Variants in TTLL8 observed in about 807,000 individuals in gnomAD.
TTLL8 encodes the protein tubulin tyrosine ligase like 8.
TTLL8 carries 65 observed loss-of-function variants against 77.8 expected under a neutral mutation model. The ratio of observed to expected loss-of-function variants is 0.84; its 90% confidence interval spans 0.68 to 1.03. TTLL8 has a LOEUF of 1.03. Among genes scored for constraint, TTLL8 ranks in the 50% least tolerant of loss-of-function variants. The pLI is 0.00. For synonymous variants in TTLL8, 402 were observed against 422.8 expected, an observed-to-expected ratio of 0.95 and a Z score of 0.60; for missense variants, 910 against 1,004.5, an observed-to-expected ratio of 0.91 and a Z score of 1.27.
intron 8 of TTLL8, among the ~76,000 whole-genome samples, chr22:50,036,145 C>T (rs2061334823): frequency 6.6e-6 from 1 of 152,198 alleles, no homozygotes; most frequent in East Asian, 1.9e-4. Flanking sequence ...CCAGGGCACA[C>T]CTGCCAGGGG....
chr22:50,022,091 A>C (rs1267062992), intron 12 of TTLL8, among the ~76,000 whole-genome samples: 2 of 137,772 alleles, frequency 1.5e-5, no homozygotes, highest in Admixed American at 7.4e-5. Context: ...GCACTCCTCC[A>C]TCTGACGTGC....
chr22:50,055,519 G>A (rs2061466101), upstream of TTLL8, among the ~76,000 whole-genome samples: 2 of 152,170 alleles, frequency 1.3e-5, no homozygotes, highest in South Asian at 2.1e-4. Context: ...CCGGGTGATG[G>A]TAGCTCATGC....
intron 4 of TTLL8, 172 bp downstream of exon 6, chr22:50,046,996 G>A (rs2061416410): frequency 1.3e-6 from 1 of 770,672 alleles, no homozygotes; most frequent in Non-Finnish European, 1.6e-6. Context: ...GGGTGCTGGG[G>A]GTGGGGTGGG....
At chr22:50,048,821 G>A (rs2061427705) in intron 3 of TTLL8, among the ~76,000 whole-genome samples, 1 of 152,246 alleles carries the variant, frequency 6.6e-6, no homozygotes, top group African/African-American at 2.4e-5. Flanking sequence ...AGTGTTGGGA[G>A]CCCCGGAGGG....
At chr22:50,043,230 A>G (rs201964378) in intron 6 of TTLL8, among the ~76,000 whole-genome samples, 85 of 108,522 alleles carry the variant, frequency 7.8e-4, no homozygotes, top group Admixed American at 1.6e-3. Context: ...CATGTCCTTC[A>G]GTAGATGGAT....
At chr22:50,057,544 TCTGGGTTGG>T (rs1213665485), upstream of TTLL8, among the ~76,000 whole-genome samples, 67 of 60,870 alleles carry the variant, frequency 1.1e-3, no homozygotes, top group South Asian at 1.2e-3. Context: ...GAGCGGGAGG[TCTGGGTTGG>T]GGGTCAGGTC....
At chr22:50,022,475 T>TACTCCTCCATCTGACGTGC (rs2061210224) in intron 12 of TTLL8, among the ~76,000 whole-genome samples, 1 of 144,322 alleles carries the variant, frequency 6.9e-6, no homozygotes, top group African/African-American at 2.6e-5. Context: ...ATCTGACGTG[T>TACTCCTCCATCTGACGTGC]ACTCCTCCAT....
chr22:50,056,636 C>T (rs1041909065), upstream of TTLL8, among the ~76,000 whole-genome samples: 2 of 152,210 alleles, frequency 1.3e-5, no homozygotes, highest in African/African-American at 4.8e-5. The surrounding 1 kb of genome is among the most constrained non-coding windows in gnomAD (Gnocchi z 4.1). Context: ...TTCCCAGTTT[C>T]CCAGGAAGCT....
chr22:50,058,056 C>T (rs1259033037), upstream of TTLL8, among the ~76,000 whole-genome samples: 2 of 141,572 alleles, frequency 1.4e-5, no homozygotes, highest in Non-Finnish European at 3.1e-5. This position sits in a 1 kb window ranked among gnomAD's most constrained non-coding sequence, Gnocchi z 4.2. Flanking sequence ...GTGTGGGAGG[C>T]GGGTCTGGGG....
At chr22:50,055,185 C>G, upstream of TTLL8, 1 of 1,275,248 alleles carries the variant, frequency 7.8e-7, no homozygotes, top group Non-Finnish European at 1.0e-6. Flanking sequence ...AAACAAATGT[C>G]CTTTTAAAAA....
At chr22:50,025,497 G>A (rs1363613629) in intron 12 of TTLL8, among the ~76,000 whole-genome samples, 1 of 152,080 alleles carries the variant, frequency 6.6e-6, no homozygotes, top group Non-Finnish European at 1.5e-5. Context: ...AAATTAGCTG[G>A]GCATGGTGGT....
intron 11 of TTLL8, chr22:50,031,481 T>G: frequency 2.2e-6 from 2 of 929,258 alleles, no homozygotes; most frequent in South Asian, 9.9e-5. Context: ...CCTTCCTCGG[T>G]GCCGACGAGG....
At chr22:50,043,893 A>C (rs1299399185) in intron 6 of TTLL8, among the ~76,000 whole-genome samples, 6 of 152,210 alleles carry the variant, frequency 3.9e-5, no homozygotes. Context: ...GAGCACAGGG[A>C]GTTTTAGGGC....
chr22:50,057,705 G>A (rs899960046), upstream of TTLL8, among the ~76,000 whole-genome samples: 4 of 146,290 alleles, frequency 2.7e-5, no homozygotes, highest in African/African-American at 1.0e-4. Context: ...TCGGGGTCAG[G>A]TCTGGGTTGG....
chr22:50,034,578 C>T lies in TTLL8; in HGVS notation c.922-116G>A, dbSNP rs1014433079. ...CCGCCTCACCCACCAAGCAGGCGCT[C>T]GGCTCTAGGATGGTCTGGGGCTGGC... On this transcript the variant is annotated intron_variant, in intron 8 of 13. Transcript: ENST00000266182. The surrounding 1 kb of genome is among the most constrained non-coding windows in gnomAD (Gnocchi z 4.1). 5 of 1,139,024 alleles carry T rather than the reference C, an allele frequency of 4.4e-6. No homozygotes were observed. The highest frequency in any genetic ancestry group is 5.8e-5 in the East Asian group (1 of 17,338). The allele number at this position is 1,139,024 out of a possible 1,614,324, so 70.6% of individuals were successfully genotyped here.
At chr22:50,021,575 C>T (rs187562865) in intron 12 of TTLL8, among the ~76,000 whole-genome samples, 1,603 of 146,056 alleles carry the variant, frequency 0.011, 28 homozygotes, top group Non-Finnish European at 0.018. Flanking sequence ...GATGTGTACT[C>T]CTCCATCTGA....
At chr22:50,056,421 G>T (rs1034521334), upstream of TTLL8, among the ~76,000 whole-genome samples, 6 of 152,200 alleles carry the variant, frequency 3.9e-5, no homozygotes, top group African/African-American at 1.2e-4. This position sits in a 1 kb window ranked among gnomAD's most constrained non-coding sequence, Gnocchi z 4.1. Context: ...GGGCACCGGA[G>T]CTCTCGATCT....
intron 12 of TTLL8, among the ~76,000 whole-genome samples, chr22:50,021,024 CGTGCATTCCTCCATCTGAT>C (rs1373587111): frequency 3.0e-5 from 4 of 131,888 alleles, no homozygotes; most frequent in Non-Finnish European, 6.5e-5. Flanking sequence ...CATCTGACAA[CGTGCATTCCTCCATCTGAT>C]GTGCACTCCT....
At chr22:50,024,624 T>G (rs1438205238) in intron 12 of TTLL8, among the ~76,000 whole-genome samples, 1 of 152,226 alleles carries the variant, frequency 6.6e-6, no homozygotes, top group East Asian at 1.9e-4. Context: ...AATTTAACGT[T>G]TTATTTAGGA....
Sources: allele counts gnomAD v4.1 joint callset (sites outside exome capture counted in the v4.1 genomes callset), GRCh38; gene constraint gnomAD v4.1.1; non-coding constraint Gnocchi (gnomAD v3.1); transcripts MANE v1.5; gene names NCBI Gene and HGNC (gene_info 2026-07-23, HGNC 2026-07-21).